Variants in SLC8A2 observed in about 807,000 individuals in gnomAD.
SLC8A2 encodes the protein sodium/calcium exchanger 2.
A neutral mutation model predicts 70.2 loss-of-function variants in SLC8A2; 14 were observed. That is an observed-to-expected ratio of 0.20 (90% confidence interval 0.13 to 0.31). The LOEUF is 0.31. Ranked by LOEUF, SLC8A2 falls within the 10% of genes least tolerant of loss-of-function variation. The pLI, the probability that SLC8A2 is intolerant of heterozygous loss-of-function variation, is 1.00. For missense variants in SLC8A2, 779 were observed against 1,320.1 expected, an observed-to-expected ratio of 0.59 and a Z score of 6.35; for synonymous variants, 575 against 594.3, an observed-to-expected ratio of 0.97 and a Z score of 0.47.
rs767770599 is a variant in SLC8A2 at position 47,447,859 on chromosome 19, C to T, written c.1713G>A (p.Val571=). The change falls in exon 4 of 10, where the codon GTG becomes GTA. Residue 571 remains valine (V), a synonymous_variant. Transcript: ENST00000236877. This position sits in a 1 kb window ranked among gnomAD's most constrained non-coding sequence, Gnocchi z 5.1. ...GCTCTCCGCACGCGTCCTCGTAGTG[C>T]ACGCCGCCGCCGCGCGCCGTGCCGT... is the stretch of plus-strand genomic sequence containing the variant. The part of the protein sequence containing the change: ...TVDGTARGGG[V]HYEDACGELE... 6 of 1,595,018 alleles carry T rather than the reference C, an allele frequency of 3.8e-6. No homozygotes were observed. In the African/African-American group the frequency reaches 6.8e-5, roughly 18 times the overall value.
chr19:47,447,277 A>T lies in SLC8A2; in HGVS notation c.1763+532T>A, dbSNP rs1967176073. On this transcript the variant is annotated intron_variant, in intron 4 of 9. Coordinates refer to ENST00000236877, the MANE Select transcript of SLC8A2 (RefSeq NM_015063.3). This position sits in a 1 kb window ranked among gnomAD's most constrained non-coding sequence, Gnocchi z 5.1. ...CCGCCCCCTCTCCACAGCCACCGAC[A>T]GCGTCTCATCTCCACAAGCCTCTCC... is the stretch of plus-strand genomic sequence containing the variant. 6.7e-6 allele frequency among the ~76,000 whole-genome samples: 1 copy of T among 149,118 alleles called. No individual in the cohort carries two copies. Among genetic ancestry groups the T allele is most frequent in the Admixed American group, 6.7e-5 (1 of 14,956 alleles).
rs990944505 is a variant in SLC8A2 at position 47,447,586 on chromosome 19, T to C, written c.1763+223A>G. On this transcript the variant is annotated intron_variant, in intron 4 of 9. Transcript: ENST00000236877. This position sits in a 1 kb window ranked among gnomAD's most constrained non-coding sequence, Gnocchi z 5.1. ...CGATTCACTCAGGCCCCTCTCCTCCTGAGGGCCCAGCTGTTCAGTGAAGCC... is the reference window on the plus strand; with the variant it reads ...CGATTCACTCAGGCCCCTCTCCTCCCGAGGGCCCAGCTGTTCAGTGAAGCC... 2 of 515,914 alleles carry C rather than the reference T, an allele frequency of 3.9e-6. No individual in the cohort carries two copies. The highest frequency in any genetic ancestry group is 2.3e-5 in the African/African-American group (1 of 44,332). 32.0% of individuals were successfully genotyped at this position (515,914 alleles called of 1,614,324 possible).
intron 3 of SLC8A2, among the ~76,000 whole-genome samples, chr19:47,454,654 AG>A (rs1967281703): frequency 6.6e-6 from 1 of 152,146 alleles, no homozygotes; most frequent in African/African-American, 2.4e-5. Flanking sequence ...GGCAGACAAA[AG>A]GATCCTGGAC....
intron 8 of SLC8A2, among the ~76,000 whole-genome samples, chr19:47,436,666 G>A (rs1967032748): frequency 6.6e-6 from 1 of 152,080 alleles, no homozygotes; most frequent in Admixed American, 6.5e-5. Context: ...TCCGACCTCG[G>A]GCCTTTTCTG....
intron 3 of SLC8A2, among the ~76,000 whole-genome samples, chr19:47,451,433 C>T (rs1335019291): frequency 1.3e-5 from 2 of 152,084 alleles, no homozygotes; most frequent in South Asian, 2.1e-4. Context: ...CTCAGCCTCT[C>T]GAGCAGCTGG....
chr19:47,431,639 G>T (rs979111580), intron 9 of SLC8A2, among the ~76,000 whole-genome samples: 1 of 125,860 alleles, frequency 7.9e-6, no homozygotes, highest in African/African-American at 2.9e-5. Flanking sequence ...GTGACAGAGC[G>T]AGACTCTGTC....
At position 47,466,000 on chromosome 19, in the gene SLC8A2, G is replaced by A; in HGVS notation, c.404C>T (p.Ala135Val). ...NETVSNLTLM[A>V]LGSSAPEILL... ...GATCTCAGGTGCGGAGGAGCCCAGGGCCATGAGCGTGAGGTTGGACACCGT... is the reference window on the plus strand; with the variant it reads ...GATCTCAGGTGCGGAGGAGCCCAGGACCATGAGCGTGAGGTTGGACACCGT... Residue 135 changes from alanine to valine, a missense_variant, in exon 2 of 10, where the codon GCC becomes GTC. Transcript: ENST00000236877. This position sits in a 1 kb window ranked among gnomAD's most constrained non-coding sequence, Gnocchi z 5.5. The A allele has an allele frequency of 6.2e-7, 1 of 1,614,120 alleles. No homozygotes were observed. The highest frequency in any genetic ancestry group is 8.5e-7 in the Non-Finnish European group (1 of 1,180,010).
intron 1 of SLC8A2, among the ~76,000 whole-genome samples, chr19:47,467,749 T>G (rs1372277318): frequency 6.6e-6 from 1 of 151,374 alleles, no homozygotes; most frequent in African/African-American, 2.4e-5. Context: ...TCCCAGCACT[T>G]TGAGGCTGAG....
chr19:47,463,699 G>T (rs930760154), intron 2 of SLC8A2, among the ~76,000 whole-genome samples: 3 of 148,962 alleles, frequency 2.0e-5, no homozygotes, highest in Admixed American at 2.0e-4. Context: ...AAAAAAGAAA[G>T]AAATAGAAAT....
chr19:47,465,937 T>C lies in SLC8A2; in HGVS notation c.467A>G (p.Gln156Arg). The change falls in exon 2 of 10, where the codon CAG becomes CGG. Residue 156 changes from glutamine to arginine, a missense_variant. Around this residue, in one of 6 missense-constraint regions of SLC8A2, gnomAD observed 155 missense variants for 318.6 expected, o/e 0.49. Transcript: ENST00000236877. The surrounding 1 kb of genome is among the most constrained non-coding windows in gnomAD (Gnocchi z 5.5). ...SVIEVCGHNF[Q>R]AGELGPGTIV... ...GGTGCCTGGGCCCAGCTCACCCGCCTGGAAGTTGTGGCCGCAGACTTCGAT... is the reference window on the plus strand; with the variant it reads ...GGTGCCTGGGCCCAGCTCACCCGCCCGGAAGTTGTGGCCGCAGACTTCGAT... 1 of 1,614,084 alleles carries C rather than the reference T, an allele frequency of 6.2e-7. No homozygotes were observed. The highest frequency in any genetic ancestry group is 8.5e-7 in the Non-Finnish European group (1 of 1,180,020).
chr19:47,454,594 G>C (rs1188773583), intron 3 of SLC8A2, among the ~76,000 whole-genome samples: 2 of 152,176 alleles, frequency 1.3e-5, no homozygotes, highest in Admixed American at 6.6e-5. Context: ...GGAGGCTGCA[G>C]TAAGCCAGGA....
At chr19:47,458,366 C>T (rs544713224) in intron 2 of SLC8A2, among the ~76,000 whole-genome samples, 1 of 150,808 alleles carries the variant, frequency 6.6e-6, no homozygotes, top group African/African-American at 2.4e-5. Context: ...TCCCCTCTCC[C>T]CGTCTCTCCC....
At chr19:47,471,502 G>C (rs1474129392) in intron 1 of SLC8A2, among the ~76,000 whole-genome samples, 2 of 150,874 alleles carry the variant, frequency 1.3e-5, no homozygotes, top group African/African-American at 2.4e-5. Flanking sequence ...TAGAGAGCGC[G>C]AGGGGGGGTG....
intron 3 of SLC8A2, among the ~76,000 whole-genome samples, chr19:47,452,361 C>T (rs1296168202): frequency 6.9e-6 from 1 of 145,422 alleles, no homozygotes; most frequent in Non-Finnish European, 1.5e-5. Flanking sequence ...ACTACAGGCA[C>T]ATGTTACCAT....
chr19:47,454,679 G>A (rs1389369068), intron 3 of SLC8A2, among the ~76,000 whole-genome samples: 3 of 152,168 alleles, frequency 2.0e-5, no homozygotes, highest in Non-Finnish European at 4.4e-5. Flanking sequence ...CTGAGGTGGA[G>A]GGAAAGACCT....
intron 8 of SLC8A2, among the ~76,000 whole-genome samples, chr19:47,433,704 T>C (rs1966991788): frequency 1.3e-5 from 2 of 152,026 alleles, no homozygotes; most frequent in Admixed American, 1.3e-4. Context: ...GGCAGTAGTG[T>C]GATCTCAGCT....
intron 3 of SLC8A2, among the ~76,000 whole-genome samples, chr19:47,452,439 AGAGAGAGTGTGTGTGTGTGT>A (rs1967252948): frequency 2.6e-5 from 2 of 77,840 alleles, no homozygotes; most frequent in East Asian, 3.6e-4. Context: ...AGAGAGAGAG[AGAGAGAGTGTGTGTGTGTGT>A]GTGTGTGTGT....
intron 3 of SLC8A2, among the ~76,000 whole-genome samples, chr19:47,452,927 A>C (rs1191187505): frequency 6.6e-6 from 1 of 151,894 alleles, no homozygotes; most frequent in Non-Finnish European, 1.5e-5. Flanking sequence ...CAGCTACTCA[A>C]GACGCTGAGG....
chr19:47,449,079 TGGG>T (rs375339896), intron 3 of SLC8A2, among the ~76,000 whole-genome samples: 18 of 152,176 alleles, frequency 1.2e-4, no homozygotes, highest in African/African-American at 4.3e-4. Flanking sequence ...TTTTAAGTGT[TGGG>T]GGAACGGCAC....
Sources: allele counts gnomAD v4.1 joint callset (sites outside exome capture counted in the v4.1 genomes callset), GRCh38; gene constraint gnomAD v4.1.1; regional missense constraint gnomAD v4.1.1; non-coding constraint Gnocchi (gnomAD v3.1); transcripts MANE v1.5; gene names NCBI Gene and HGNC (gene_info 2026-07-23, HGNC 2026-07-21).